Variants in DLGAP1 observed in about 807,000 individuals in gnomAD.
DLGAP1 encodes DLG associated protein 1, also known as disks large-associated protein 1.
DLGAP1 carries 11 observed loss-of-function variants against 90.8 expected under a neutral mutation model. The ratio of observed to expected loss-of-function variants is 0.12; its 90% CI spans 0.08 to 0.20. DLGAP1 has a LOEUF of 0.20. DLGAP1 is among the 10% of genes least tolerant of loss of function. The pLI, the probability that DLGAP1 is intolerant of heterozygous loss-of-function variation, is 1.00. For missense variants in DLGAP1, 1,050 were observed against 1,333.8 expected (o/e 0.79, Z 3.31); for synonymous variants, 558 against 540.7 (o/e 1.03, Z -0.44).
chr18:3,617,800 C>T (rs766042866), intron 7 of DLGAP1, among the ~76,000 whole-genome samples: 2 of 151,878 alleles, frequency 1.3e-5, no homozygotes, highest in African/African-American at 2.4e-5. Context: ...TTTGGGAGGC[C>T]AAGGCGGGTG....
At chr18:4,245,006 A>C (rs2078624313) in intron 1 of DLGAP1, among the ~76,000 whole-genome samples, 1 of 152,182 alleles carries the variant, frequency 6.6e-6, no homozygotes, top group Admixed American at 6.5e-5. Context: ...AGCAAGATTA[A>C]ATCACAGGAA....
rs185375118 is a variant in DLGAP1, at chr18:4,036,691, A to G, written c.-158-31490T>C. Among the ~76,000 whole-genome samples the G allele has an allele frequency of 1.2e-4, 18 of 152,330 alleles. No homozygotes were observed. In the Middle Eastern group the frequency reaches 0.01, roughly 86 times the overall value. On this transcript the variant is annotated intron_variant, in intron 2 of 12. Transcript: ENST00000315677. ...TTTGCTCTTTTAACAGAAAGTATAC[A>G]TTTTAAGCCACAGCTGTGTACCATT...
At chr18:3,552,763 G>C (rs1435846831) in intron 9 of DLGAP1, among the ~76,000 whole-genome samples, 1 of 152,242 alleles carries the variant, frequency 6.6e-6, no homozygotes, top group Non-Finnish European at 1.5e-5. Flanking sequence ...TGGCTCCGCA[G>C]ATTCAAGGAC....
chr18:4,259,448 C>A (rs971478053), intron 1 of DLGAP1, among the ~76,000 whole-genome samples: 1 of 152,188 alleles, frequency 6.6e-6, no homozygotes, highest in Non-Finnish European at 1.5e-5. Flanking sequence ...ATAAATTATT[C>A]ATTAATTCAC....
intron 3 of DLGAP1, among the ~76,000 whole-genome samples, chr18:3,980,634 C>T (rs536414080): frequency 7.9e-5 from 12 of 152,280 alleles, no homozygotes; most frequent in South Asian, 4.2e-4. Flanking sequence ...AAAACCAAAA[C>T]GCTCAGCAAT....
intron 5 of DLGAP1, among the ~76,000 whole-genome samples, chr18:3,777,471 G>A (rs1258078521): frequency 1.3e-5 from 2 of 152,190 alleles, no homozygotes; most frequent in African/African-American, 2.4e-5. Flanking sequence ...CGCGGATGTG[G>A]CTGGAGAGAA....
chr18:4,320,717 TACACACAC>T (rs71160954), intron 1 of DLGAP1, among the ~76,000 whole-genome samples: 48,114 of 146,280 alleles, frequency 0.33, 9,030 homozygotes, highest in Non-Finnish European at 0.42. Flanking sequence ...ATTACAATTT[TACACACAC>T]ACACACACAC....
intron 1 of DLGAP1, among the ~76,000 whole-genome samples, chr18:4,369,772 A>G (rs2081871693): frequency 1.3e-5 from 2 of 150,746 alleles, no homozygotes. Context: ...AGAGGTAACA[A>G]AACCTAGTAT....
chr18:3,691,657 A>G (rs550792496), intron 7 of DLGAP1, among the ~76,000 whole-genome samples: 1 of 152,310 alleles, frequency 6.6e-6, no homozygotes, highest in South Asian at 2.1e-4. Context: ...TACACCTGTA[A>G]TCACAACACT....
At chr18:3,736,798 C>T (rs1568039100) in intron 6 of DLGAP1, among the ~76,000 whole-genome samples, 1 of 151,132 alleles carries the variant, frequency 6.6e-6, no homozygotes, top group Admixed American at 6.6e-5. Context: ...AATAGAGACA[C>T]AAAAAACCCT....
intron 7 of DLGAP1, chr18:3,594,270 G>A (rs961400241): frequency 6.6e-6 from 1 of 152,068 alleles, no homozygotes; most frequent in African/African-American, 2.4e-5. Context: ...CTTATAAAAG[G>A]GCAAGTGGCA....
intron 1 of DLGAP1, among the ~76,000 whole-genome samples, chr18:4,348,040 T>C (rs2081332042): frequency 6.6e-6 from 1 of 152,014 alleles, no homozygotes; most frequent in African/African-American, 2.4e-5. Flanking sequence ...ATAACCACAG[T>C]GAAGGGGATG....
At chr18:4,034,981 T>C (rs573723911) in intron 2 of DLGAP1, among the ~76,000 whole-genome samples, 1 of 152,144 alleles carries the variant, frequency 6.6e-6, no homozygotes, top group Non-Finnish European at 1.5e-5. Context: ...TCCAGCTTCA[T>C]CCATGTCCCT....
intron 10 of DLGAP1, among the ~76,000 whole-genome samples, chr18:3,520,550 C>T (rs769093036): frequency 7.9e-5 from 12 of 152,138 alleles, no homozygotes; most frequent in Admixed American, 3.9e-4. Flanking sequence ...TAATCCACTA[C>T]GACTGATGTC....
At chr18:3,813,206 A>G (rs913600172) in intron 5 of DLGAP1, among the ~76,000 whole-genome samples, 3 of 152,216 alleles carry the variant, frequency 2.0e-5, no homozygotes, top group African/African-American at 7.2e-5. Context: ...GTTGTCCCAT[A>G]AGATTATAAT....
chr18:4,303,164 G>A (rs369495402), intron 1 of DLGAP1, among the ~76,000 whole-genome samples: 20 of 152,288 alleles, frequency 1.3e-4, no homozygotes, highest in African/African-American at 3.8e-4. Context: ...ATGCATGAAC[G>A]AAATCAATTA....
rs62083570 is a variant in DLGAP1, at chr18:3,911,886, G to A, written c.-72-31746C>T. Among the ~76,000 whole-genome samples the A allele has an allele frequency of 4.5e-3, 679 of 152,338 alleles. 4 individuals carry two copies. Among genetic ancestry groups the A allele is most frequent in the Non-Finnish European group, 7.3e-3 (494 of 68,030 alleles). ...TTACTTAATGTCAAATTAGCATACA[G>A]CAGTGAAAAGTCACTCAATGGCAGT... On this transcript the variant is annotated intron_variant, in intron 3 of 12. Coordinates refer to ENST00000315677, the MANE Select transcript of DLGAP1 (RefSeq NM_004746.4).
chr18:3,798,947 C>T (rs2066150574), intron 5 of DLGAP1, among the ~76,000 whole-genome samples: 1 of 151,846 alleles, frequency 6.6e-6, no homozygotes, highest in Non-Finnish European at 1.5e-5. Context: ...AATCTCGGCT[C>T]ACTGCAAACT....
chr18:4,128,546 A>G (rs931269061), intron 2 of DLGAP1, among the ~76,000 whole-genome samples: 1 of 152,090 alleles, frequency 6.6e-6, no homozygotes, highest in African/African-American at 2.4e-5. Context: ...ACAATTTCCT[A>G]TGGGATTCAA....
Sources: gnomAD v4.1 joint callset for allele counts (sites outside exome capture counted in the v4.1 genomes callset) on GRCh38, gnomAD v4.1.1 for gene constraint, MANE v1.5 for transcripts, NCBI Gene and HGNC (gene_info 2026-07-23, HGNC 2026-07-21) for gene names.